Variants in SMURF2 observed in about 807,000 individuals in gnomAD.
The protein encoded by SMURF2 is SMAD specific E3 ubiquitin protein ligase 2.
Under a neutral mutation model 109.6 loss-of-function variants are expected in SMURF2, and 48 were observed. That is an observed-to-expected ratio of 0.44 (90% CI 0.35 to 0.56). SMURF2 has a LOEUF of 0.56. SMURF2 is among the 20% of genes least tolerant of loss of function. The probability of loss-of-function intolerance (pLI) is 0.01; values close to 1 mark genes in which losing one functional copy is unlikely to be tolerated. For missense variants in SMURF2, 575 were observed against 909.0 expected, an observed-to-expected ratio of 0.63 and a Z score of 4.72; for synonymous variants, 288 against 317.1, an observed-to-expected ratio of 0.91 and a Z score of 0.97.
In SMURF2 at chr17:64,640,033, T is replaced by C. The variant is rs181750473; in HGVS notation, c.52+21796A>G. Among the ~76,000 whole-genome samples the C allele has an allele frequency of 8.2e-3, 1,249 of 152,360 alleles. 11 individuals carry two copies. The highest frequency in any genetic ancestry group is 0.035 in the South Asian group (170 of 4,832). ...TTTAGTTAATAGGGAAAACTGGTTATGGAAATACAGGAATTCTATACTATC... is the reference window on the plus strand; with the variant it reads ...TTTAGTTAATAGGGAAAACTGGTTACGGAAATACAGGAATTCTATACTATC... On this transcript the variant is annotated intron_variant, in intron 1 of 18. Coordinates refer to ENST00000262435, the MANE Select transcript of SMURF2 (RefSeq NM_022739.4).
At chr17:64,590,423 G>A (rs1969735769) in intron 5 of SMURF2, among the ~76,000 whole-genome samples, 1 of 152,118 alleles carries the variant, frequency 6.6e-6, no homozygotes, top group Non-Finnish European at 1.5e-5. Context: ...GATTACAGGT[G>A]TTAGCCACTG....
chr17:64,578,359 C>T, intron 9 of SMURF2, 133 bp downstream of exon 9: 1 of 631,352 alleles, frequency 1.6e-6, no homozygotes. Flanking sequence ...AACGTTAAAA[C>T]TGAAGTAACT....
chr17:64,612,987 C>G (rs1227670237), intron 1 of SMURF2, among the ~76,000 whole-genome samples: 2 of 152,160 alleles, frequency 1.3e-5, no homozygotes, highest in Admixed American at 6.5e-5. Flanking sequence ...TGGATCTAAG[C>G]AGTTCCAGCC....
At chr17:64,590,156 T>TTC (rs562206495) in intron 5 of SMURF2, among the ~76,000 whole-genome samples, 158 of 151,678 alleles carry the variant, frequency 1.0e-3, no homozygotes, top group African/African-American at 3.7e-3. Context: ...TTTTTTTTTT[T>TTC]TTTGAGACAG....
rs528473359 is a variant in SMURF2, at chr17:64,551,607, T to C, written c.1846A>G (p.Thr616Ala). The C allele has an allele frequency of 8.4e-5, 135 of 1,614,050 alleles. 1 individual carries two copies. In the South Asian group the frequency reaches 1.4e-3, roughly 16 times the overall value. Residue 616 changes from threonine (T) to alanine (A), a missense_variant, in exon 16 of 19, where the codon ACA becomes GCA. This residue lies in a region of SMURF2 where 361 missense variants were observed against 612.1 expected (regional missense o/e 0.59). Transcript: ENST00000262435. ...ACCTCTAACTCCTTCTCATCAAATG[T>C]CTTCAGCAGATGTTGTGGAATTACT... ...NEVIPQHLLK[T>A]FDEKELELII...
In SMURF2 at chr17:64,662,123, G is replaced by GGCCGCCCGCGCCGCC; in HGVS notation, c.-258_-244dup. The GGCCGCCCGCGCCGCC allele has an allele frequency of 9.6e-7, 1 of 1,039,480 alleles. No individual in the cohort carries two copies. The highest frequency in any genetic ancestry group is 1.2e-6 in the Non-Finnish European group (1 of 864,248). The allele number at this position is 1,039,480 out of a possible 1,614,324, so 64.4% of individuals were successfully genotyped here. On this transcript the variant is annotated 5_prime_UTR_variant, in exon 1 of 19. Transcript: ENST00000262435. ...GGCCGCACAACAAAGCGGCAGCCGC[G>GGCCGCCCGCGCCGCC]GCCGCCCGCGCCGCCTCCGCCCGCG...
intron 7 of SMURF2, among the ~76,000 whole-genome samples, chr17:64,582,784 A>T (rs1555686688): frequency 6.6e-6 from 1 of 152,044 alleles, no homozygotes; most frequent in Non-Finnish European, 1.5e-5. Context: ...TTTTTAGTAG[A>T]GATGGGGTTT....
At chr17:64,606,525 C>G (rs927729234) in intron 2 of SMURF2, 77 bp downstream of exon 2, 6 of 1,079,998 alleles carry the variant, frequency 5.6e-6, no homozygotes, top group Admixed American at 2.8e-5. Context: ...AGAGAAACCC[C>G]TAAACCAGAG....
chr17:64,605,936 T>C (rs1969964872), intron 2 of SMURF2, among the ~76,000 whole-genome samples: 3 of 150,724 alleles, frequency 2.0e-5, no homozygotes, highest in Admixed American at 6.6e-5. Flanking sequence ...TTTTTTTTTT[T>C]CACTAAAAAT....
chr17:64,558,899 G>C (rs901246703), intron 12 of SMURF2, among the ~76,000 whole-genome samples: 5 of 152,034 alleles, frequency 3.3e-5, no homozygotes, highest in South Asian at 2.1e-4. Context: ...TTGATATTAT[G>C]GATTAAACAG....
intron 1 of SMURF2, among the ~76,000 whole-genome samples, chr17:64,656,890 T>C (rs923787494): frequency 2.0e-5 from 3 of 152,054 alleles, no homozygotes; most frequent in Non-Finnish European, 4.4e-5. Flanking sequence ...AAGCTTAAAA[T>C]CCTGCAATGG....
intron 1 of SMURF2, among the ~76,000 whole-genome samples, chr17:64,643,549 G>T (rs1970518152): frequency 6.6e-6 from 1 of 152,074 alleles, no homozygotes; most frequent in African/African-American, 2.4e-5. Flanking sequence ...AACAACCAGG[G>T]TCTCTCTGGA....
At chr17:64,582,201 G>A (rs1182426585) in intron 7 of SMURF2, among the ~76,000 whole-genome samples, 2 of 152,122 alleles carry the variant, frequency 1.3e-5, no homozygotes, top group Non-Finnish European at 2.9e-5. Context: ...GCTTTTACCT[G>A]AGAATTATAA....
At chr17:64,616,956 C>T (rs1178830978) in intron 1 of SMURF2, among the ~76,000 whole-genome samples, 1 of 149,270 alleles carries the variant, frequency 6.7e-6, no homozygotes, top group Non-Finnish European at 1.5e-5. Flanking sequence ...TGGTGTGTGC[C>T]TGTAGTCCCA....
rs143054846 is a variant in SMURF2, at chr17:64,621,444, G to A, written c.53-14804C>T. 5.3e-5 allele frequency among the ~76,000 whole-genome samples: 8 copies of A among 152,064 alleles called. No homozygotes were observed. The East Asian group carries it at 1.4e-3, about 26-fold the overall frequency. On this transcript the variant is annotated intron_variant, in intron 1 of 18. Coordinates refer to ENST00000262435, the MANE Select transcript of SMURF2 (RefSeq NM_022739.4). ...AAAATACAAAAATTAGCCAGGCGTC[G>A]TGGCGTGTGCCTGTAGTCCCAGCTA...
intron 1 of SMURF2, among the ~76,000 whole-genome samples, chr17:64,633,429 TA>T (rs1298637131): frequency 3.3e-5 from 5 of 152,192 alleles, no homozygotes; most frequent in African/African-American, 9.7e-5. Context: ...CCTTTCCACT[TA>T]AACCCTCCAT....
chr17:64,606,516 G>T, intron 2 of SMURF2, 86 bp downstream of exon 2: 1 of 960,004 alleles, frequency 1.0e-6, no homozygotes, highest in Non-Finnish European at 1.6e-6. Context: ...CTTCTGAATA[G>T]AGAAACCCCT....
intron 2 of SMURF2, among the ~76,000 whole-genome samples, chr17:64,604,489 C>A (rs549367672): frequency 6.6e-6 from 1 of 152,156 alleles, no homozygotes; most frequent in East Asian, 1.9e-4. Flanking sequence ...CTCTAGATAT[C>A]CTAGGAAAAA....
At chr17:64,559,606 C>A (rs1014487026) in intron 12 of SMURF2, among the ~76,000 whole-genome samples, 56 of 149,958 alleles carry the variant, frequency 3.7e-4, no homozygotes, top group African/African-American at 7.9e-4. Flanking sequence ...ACAACAACAA[C>A]AAAAAAAACT....
Sources: gnomAD v4.1 joint callset for allele counts (sites outside exome capture counted in the v4.1 genomes callset) on GRCh38, gnomAD v4.1.1 for gene constraint, gnomAD v4.1.1 regional missense constraint, MANE v1.5 for transcripts, NCBI Gene and HGNC (gene_info 2026-07-23, HGNC 2026-07-21) for gene names.